The following AGMO variants were observed in gnomAD, a reference collection of about 807,000 sequenced individuals.
The protein encoded by AGMO is glyceryl-ether monooxygenase.
In AGMO, 75 loss-of-function variants were observed where a neutral mutation model predicts 60.2. The ratio of observed to expected loss-of-function variants is 1.25; its 90% CI spans 1.03 to 1.51. The LOEUF (loss-of-function observed/expected upper bound fraction) is 1.51. AGMO is among the 40% of genes most tolerant of loss of function. The pLI, the probability that AGMO is intolerant of heterozygous loss-of-function variation, is 0.00. For missense variants in AGMO, 763 were observed against 525.5 expected, an observed-to-expected ratio of 1.45 and a Z score of -4.42; for synonymous variants, 261 against 177.1, an observed-to-expected ratio of 1.47 and a Z score of -3.76.
At chr7:15,193,243 A>T in the AGMO span, among the ~76,000 whole-genome samples, 2 of 77,706 alleles carry the variant, frequency 2.6e-5, no homozygotes, top group African/African-American at 9.8e-5. Flanking sequence ...AATGTATGAT[A>T]TTTTCTAATT....
rs1475399090 is a variant in AGMO, at chr7:15,221,173, CTTT to C, written c.1264-19817_1264-19815del. Among the ~76,000 whole-genome samples, 4 of 152,110 alleles carry C rather than the reference CTTT, an allele frequency of 2.6e-5. No homozygotes were observed. The South Asian group carries it at 8.3e-4, about 32-fold the overall frequency. On this transcript the variant is annotated intron_variant, in intron 12 of 12. Coordinates refer to ENST00000342526, the MANE Select transcript of AGMO (RefSeq NM_001004320.2). ...AAAATGTAGGAGAATCATTTGGCCC[CTTT>C]TACCTTCTGGATATTGAGGACATGT...
At chr7:15,555,810 AACAAAG>A (rs1785116597) in intron 2 of AGMO, among the ~76,000 whole-genome samples, 1 of 152,044 alleles carries the variant, frequency 6.6e-6, no homozygotes, top group African/African-American at 2.4e-5. Flanking sequence ...CGCAATTAAT[AACAAAG>A]ACAAAGTCTA....
intron 12 of AGMO, among the ~76,000 whole-genome samples, chr7:15,334,959 T>C (rs1278383057): frequency 6.6e-6 from 1 of 152,192 alleles, no homozygotes; most frequent in Admixed American, 6.6e-5. Flanking sequence ...AGAAAAGTCA[T>C]GCACCAAAAT....
chr7:15,476,711 G>A (rs887896347), intron 3 of AGMO, among the ~76,000 whole-genome samples: 15 of 152,030 alleles, frequency 9.9e-5, no homozygotes, highest in African/African-American at 3.4e-4. Context: ...GTTAGATTAT[G>A]TCGGCTGGAC....
the AGMO span, among the ~76,000 whole-genome samples, chr7:15,125,779 GC>G: frequency 6.6e-6 from 1 of 152,010 alleles, no homozygotes. Flanking sequence ...CCTAGAACAA[GC>G]AAAAATTAAA....
At chr7:15,345,467 G>A (rs1045125765) in intron 12 of AGMO, among the ~76,000 whole-genome samples, 1 of 152,036 alleles carries the variant, frequency 6.6e-6, no homozygotes, top group South Asian at 2.1e-4. Flanking sequence ...TGCCACAGCT[G>A]GATTATTTAT....
intron 12 of AGMO, among the ~76,000 whole-genome samples, chr7:15,296,311 T>C (rs12531027): frequency 0.1 from 15,266 of 152,158 alleles, 926 homozygotes; most frequent in Middle Eastern, 0.12. Context: ...CCTAAGTTTA[T>C]CTGACTAAAT....
chr7:15,148,541 T>C, the AGMO span, among the ~76,000 whole-genome samples: 1 of 152,124 alleles, frequency 6.6e-6, no homozygotes, highest in Admixed American at 6.6e-5. Flanking sequence ...TGTTCATGTG[T>C]ACTCAAGGTT....
At chr7:15,280,587 A>C (rs913662868) in intron 12 of AGMO, among the ~76,000 whole-genome samples, 1 of 151,692 alleles carries the variant, frequency 6.6e-6, no homozygotes, top group Non-Finnish European at 1.5e-5. Context: ...AATCCAGAAT[A>C]CCTCTCCTGG....
chr7:15,241,112 C>G (rs894113076), intron 12 of AGMO, among the ~76,000 whole-genome samples: 6 of 151,760 alleles, frequency 4.0e-5, no homozygotes, highest in African/African-American at 1.5e-4. Flanking sequence ...AGTGAATATC[C>G]CAGAGATAGA....
intron 10 of AGMO, among the ~76,000 whole-genome samples, chr7:15,373,146 T>TA (rs763882691): frequency 5.9e-5 from 9 of 151,956 alleles, no homozygotes; most frequent in Non-Finnish European, 1.0e-4. Context: ...ATGGTGGCGG[T>TA]ACTTGCCTTT....
chr7:15,379,427 T>C (rs530085707), intron 10 of AGMO, among the ~76,000 whole-genome samples: 1 of 151,742 alleles, frequency 6.6e-6, no homozygotes, highest in East Asian at 1.9e-4. Context: ...AACAAGGAGG[T>C]TATTATCAAT....
At chr7:15,555,298 C>T (rs954138098) in intron 2 of AGMO, among the ~76,000 whole-genome samples, 15,014 of 101,040 alleles carry the variant, frequency 0.15, 993 homozygotes, top group African/African-American at 0.38. Context: ...TATATACACA[C>T]ACACACACAC....
chr7:15,544,698 T>C (rs982286292), intron 3 of AGMO, 74 bp downstream of exon 3: 5 of 1,152,512 alleles, frequency 4.3e-6, no homozygotes, highest in Non-Finnish European at 4.6e-6. Flanking sequence ...ATTCAATAAA[T>C]GTTTACTGAA....
At chr7:15,334,197 T>G (rs866581372) in intron 12 of AGMO, among the ~76,000 whole-genome samples, 3 of 151,930 alleles carry the variant, frequency 2.0e-5, no homozygotes, top group African/African-American at 7.2e-5. Flanking sequence ...CAAAGCAAAT[T>G]TGAAATGCTA....
intron 10 of AGMO, among the ~76,000 whole-genome samples, chr7:15,382,158 G>A (rs912742167): frequency 8.6e-5 from 13 of 151,918 alleles, no homozygotes; most frequent in Non-Finnish European, 1.8e-4. Context: ...ATGTACCCCC[G>A]AACTTAAAAT....
intron 12 of AGMO, among the ~76,000 whole-genome samples, chr7:15,354,444 A>G (rs577237658): frequency 0.02 from 319 of 16,134 alleles, 36 homozygotes; most frequent in East Asian, 0.098. Flanking sequence ...GTGTATACAC[A>G]CGTGTGTGTA....
intron 2 of AGMO, among the ~76,000 whole-genome samples, chr7:15,555,175 G>C (rs1785092873): frequency 1.3e-5 from 2 of 150,658 alleles, no homozygotes; most frequent in Non-Finnish European, 3.0e-5. Context: ...TAATAATCTT[G>C]TTTTATGAGC....
chr7:15,284,325 A>C (rs1460231451), intron 12 of AGMO, among the ~76,000 whole-genome samples: 1 of 152,086 alleles, frequency 6.6e-6, no homozygotes, highest in Non-Finnish European at 1.5e-5. Context: ...AAATTGATAG[A>C]CCATTAGCTA....
Sources: gnomAD v4.1 joint callset for allele counts (sites outside exome capture counted in the v4.1 genomes callset) on GRCh38, gnomAD v4.1.1 for gene constraint, MANE v1.5 for transcripts, NCBI Gene and HGNC (gene_info 2026-07-23, HGNC 2026-07-21) for gene names.